Variants in UCK2 observed in about 807,000 individuals in gnomAD.
UCK2 encodes the protein cytidine monophosphokinase 2.
A neutral mutation model predicts 30.8 loss-of-function variants in UCK2; 6 were observed. That is an observed-to-expected ratio of 0.19 (90% CI 0.11 to 0.38). UCK2 has a LOEUF of 0.38. UCK2 is among the 10% of genes least tolerant of loss of function. The probability of loss-of-function intolerance (pLI) is 1.00; values close to 1 mark genes in which losing one functional copy is unlikely to be tolerated. For synonymous variants in UCK2, 125 were observed against 133.6 expected, an observed-to-expected ratio of 0.94 and a Z score of 0.45; for missense variants, 210 against 339.8, an observed-to-expected ratio of 0.62 and a Z score of 3.00.
intron 1 of UCK2, among the ~76,000 whole-genome samples, chr1:165,828,330 C>A (rs1283354554): frequency 6.6e-6 from 1 of 152,202 alleles, no homozygotes. Context: ...CTCCCTCAAG[C>A]CCCGGTCTGG....
At chr1:165,881,399 T>C (rs1655498687) in intron 1 of UCK2, among the ~76,000 whole-genome samples, 1 of 152,324 alleles carries the variant, frequency 6.6e-6, no homozygotes, top group Admixed American at 6.5e-5. Context: ...TCAATTTCAC[T>C]GTAAGTTTGT....
chr1:165,878,252 T>C (rs12125493), intron 1 of UCK2, among the ~76,000 whole-genome samples: 58,040 of 151,840 alleles, frequency 0.38, 11,326 homozygotes, highest in Non-Finnish European at 0.45. Flanking sequence ...TGTGACCTTT[T>C]CAGATTAGCT....
At chr1:165,885,339 T>C (rs2101878719) in intron 1 of UCK2, 3 of 398,570 alleles carry the variant, frequency 7.5e-6, no homozygotes, top group Admixed American at 4.4e-5. Flanking sequence ...GTAATACTTG[T>C]TGTAATGGAA....
chr1:165,875,694 A>G (rs1364410836), intron 1 of UCK2, among the ~76,000 whole-genome samples: 2 of 152,126 alleles, frequency 1.3e-5, no homozygotes, highest in Non-Finnish European at 2.9e-5. Flanking sequence ...GGAAACACTT[A>G]TGTTTACTGG....
At chr1:165,870,561 G>A (rs1017732301) in intron 1 of UCK2, among the ~76,000 whole-genome samples, 1 of 152,154 alleles carries the variant, frequency 6.6e-6, no homozygotes, top group South Asian at 2.1e-4. Flanking sequence ...CTGGCTACAG[G>A]GTTCTGCTTT....
chr1:165,902,266 A>G (rs932703690), intron 4 of UCK2, among the ~76,000 whole-genome samples: 2 of 151,916 alleles, frequency 1.3e-5, no homozygotes, highest in Non-Finnish European at 2.9e-5. Context: ...AAATTAGTCC[A>G]TTGAGGTGGT....
intron 3 of UCK2, among the ~76,000 whole-genome samples, chr1:165,893,619 A>G (rs1040142468): frequency 6.6e-6 from 1 of 152,242 alleles, no homozygotes; most frequent in Non-Finnish European, 1.5e-5. Context: ...AGACTGGGTT[A>G]TCTCAGATGA....
chr1:165,831,390 A>G (rs1571260548), intron 1 of UCK2, among the ~76,000 whole-genome samples: 1 of 152,210 alleles, frequency 6.6e-6, no homozygotes, highest in Non-Finnish European at 1.5e-5. Context: ...TCTCAAAAGC[A>G]AACCAAACCA....
intron 3 of UCK2, chr1:165,895,368 T>G: frequency 1.8e-6 from 1 of 560,706 alleles, no homozygotes. Flanking sequence ...GAGTCCAAGA[T>G]TGCGCCGCTG....
chr1:165,827,622 G>T lies in UCK2; in HGVS notation c.-212G>T, dbSNP rs766806885. 5.2e-6 allele frequency: 2 copies of T among 382,218 alleles called. No individual in the cohort carries two copies. Among genetic ancestry groups the T allele is most frequent in the Non-Finnish European group, 4.6e-6 (1 of 217,476 alleles). The allele number at this position is 382,218 out of a possible 1,614,324, so 23.7% of individuals were successfully genotyped here. A position where few individuals can be genotyped will look rare whatever the true frequency, so the allele number is the denominator to read the frequency against. On this transcript the variant is annotated 5_prime_UTR_variant, in exon 1 of 7. Coordinates refer to ENST00000367879, the MANE Select transcript of UCK2 (RefSeq NM_012474.5). ...TGACCTCTGCCTGGGATGTAAACCG[G>T]ACCAGCCGCTGCGGGCAAAGGAAGG...
At chr1:165,883,015 C>G (rs10753697) in intron 1 of UCK2, among the ~76,000 whole-genome samples, 152,229 of 152,262 alleles carry the variant, frequency 1, 76,098 homozygotes, top group Middle Eastern at 1. Flanking sequence ...TAGTAGAGAC[C>G]GGGTTTCACC....
chr1:165,849,370 C>T (rs984326432), intron 1 of UCK2, among the ~76,000 whole-genome samples: 1 of 152,164 alleles, frequency 6.6e-6, no homozygotes, highest in Non-Finnish European at 1.5e-5. Flanking sequence ...GTGCTTGGCA[C>T]AACCGTGGGC....
At chr1:165,868,200 A>G (rs1261074826) in intron 1 of UCK2, among the ~76,000 whole-genome samples, 2 of 152,248 alleles carry the variant, frequency 1.3e-5, no homozygotes, top group Admixed American at 6.5e-5. Context: ...GTAATGAGAT[A>G]TGCTGCCATA....
chr1:165,852,002 G>A (rs898098001), intron 1 of UCK2, among the ~76,000 whole-genome samples: 1 of 152,120 alleles, frequency 6.6e-6, no homozygotes, highest in South Asian at 2.1e-4. Context: ...ATCTGGGTTG[G>A]TTCTAAGTCT....
chr1:165,882,606 T>C (rs559105715), intron 1 of UCK2, among the ~76,000 whole-genome samples: 1 of 152,286 alleles, frequency 6.6e-6, no homozygotes, highest in East Asian at 1.9e-4. Flanking sequence ...CGCTGTCTGC[T>C]TCCAAGGATG....
At chr1:165,858,962 C>T (rs1275139763) in intron 1 of UCK2, among the ~76,000 whole-genome samples, 1 of 152,156 alleles carries the variant, frequency 6.6e-6, no homozygotes, top group Non-Finnish European at 1.5e-5. Flanking sequence ...GCTGCGTAAA[C>T]CAGAAATCAA....
chr1:165,897,644 A>G (rs2101885217), intron 4 of UCK2, among the ~76,000 whole-genome samples: 1 of 152,330 alleles, frequency 6.6e-6, no homozygotes, highest in Middle Eastern at 3.4e-3. Context: ...AAGTCTGGGT[A>G]ATTTTCTCTT....
chr1:165,847,901 A>G (rs1055765560), intron 1 of UCK2, among the ~76,000 whole-genome samples: 6 of 152,066 alleles, frequency 3.9e-5, no homozygotes, highest in African/African-American at 1.4e-4. Context: ...GGGTTTCACC[A>G]TGTTGGCCAG....
intron 5 of UCK2, chr1:165,904,174 C>G (rs1420669097): frequency 6.6e-6 from 1 of 152,212 alleles, no homozygotes; most frequent in Non-Finnish European, 1.5e-5. Context: ...TAGAGTAAGG[C>G]TGGGTATTGG....
Sources: gnomAD v4.1 joint callset for allele counts (sites outside exome capture counted in the v4.1 genomes callset) on GRCh38, gnomAD v4.1.1 for gene constraint, MANE v1.5 for transcripts, NCBI Gene and HGNC (gene_info 2026-07-23, HGNC 2026-07-21) for gene names.